HERC1: variants seen among roughly 807,000 people sequenced by gnomAD.
The protein encoded by HERC1 is HECT and RLD domain containing E3 ubiquitin protein ligase family member 1.
A neutral mutation model predicts 554.3 loss-of-function variants in HERC1; 160 were observed. The ratio of observed to expected loss-of-function variants is 0.29; its 90% CI spans 0.25 to 0.33. The LOEUF (loss-of-function observed/expected upper bound fraction) is 0.33, where lower values mean the gene tolerates loss of function less well. Ranked by LOEUF, HERC1 falls within the 10% of genes least tolerant of loss-of-function variation. The pLI is 1.00. For synonymous variants in HERC1, 2,175 were observed against 2,131.7 expected (o/e 1.02, Z -0.56); for missense variants, 4,919 against 5,918.5 (o/e 0.83, Z 5.54).
At chr15:63,753,585 TA>T (rs569881692) in intron 7 of HERC1, among the ~76,000 whole-genome samples, 2 of 151,682 alleles carry the variant, frequency 1.3e-5, no homozygotes, top group African/African-American at 4.8e-5. Context: ...ACACCAGGAA[TA>T]AAAAAAAGTA....
rs185206779 is a variant in HERC1 at position 63,680,418 on chromosome 15, T to G, written c.6465+119A>C. On this transcript the variant is annotated intron_variant, in intron 35 of 77. Coordinates refer to ENST00000443617, the MANE Select transcript of HERC1 (RefSeq NM_003922.4). The surrounding 1 kb of genome is among the most constrained non-coding windows in gnomAD (Gnocchi z 5.8). Reference sequence around the variant, plus strand: ...TAAATGTTTTAAGAACCAGAAAGTATTAGAGAGAAAGGAGAGACGAGCAGA... The same window carrying G: ...TAAATGTTTTAAGAACCAGAAAGTAGTAGAGAGAAAGGAGAGACGAGCAGA... The G allele has an allele frequency of 2.4e-4, 264 of 1,098,264 alleles. 1 individual carries two copies. The African/African-American group carries it at 3.9e-3, about 16-fold the overall frequency. The allele number at this position is 1,098,264 out of a possible 1,614,324, so 68.0% of individuals were successfully genotyped here.
At chr15:63,778,111 T>TA (rs764874245) in intron 1 of HERC1, among the ~76,000 whole-genome samples, 67 of 152,270 alleles carry the variant, frequency 4.4e-4, no homozygotes, top group Non-Finnish European at 7.9e-4. Flanking sequence ...AACTTGAAGA[T>TA]ACAGAATGCC....
Position 63,630,610 on chromosome 15 carries a change from C to A in HERC1, c.12822G>T (p.Gly4274=), listed in dbSNP as rs1445970288. The change falls in exon 69 of 78, where the codon GGG becomes GGT. Residue 4274 remains glycine (G), a synonymous_variant. Coordinates refer to ENST00000443617, the MANE Select transcript of HERC1 (RefSeq NM_003922.4). The part of the protein sequence containing the change: ...GQDRLIGLPE[G]RARNHNRPQQ... ...GCGGTCGATTGTGATTGCGAGCACG[C>A]CCCTCTGGCAAGCCTATCAGGCGAT... 2 of 1,612,744 alleles carry A rather than the reference C, an allele frequency of 1.2e-6. No individual in the cohort carries two copies. Among genetic ancestry groups the A allele is most frequent in the Non-Finnish European group, 1.7e-6 (2 of 1,179,420 alleles).
intron 1 of HERC1, among the ~76,000 whole-genome samples, chr15:63,824,285 G>A (rs2077807450): frequency 6.6e-6 from 1 of 152,124 alleles, no homozygotes; most frequent in African/African-American, 2.4e-5. Flanking sequence ...TATAATCCCA[G>A]CACTTTGGGA....
Position 63,696,331 on chromosome 15 carries a change from T to C in HERC1, c.4914A>G (p.Leu1638=), listed in dbSNP as rs1351233570. Residue 1638 remains leucine, a synonymous_variant, in exon 27 of 78, where the codon TTA becomes TTG. Coordinates refer to ENST00000443617, the MANE Select transcript of HERC1 (RefSeq NM_003922.4). ...EQQQLRAELR[L]EALHQILVLL... ...GAACGAGGATCTGATGAAGTGCCTC[T>C]AAACGAAGCTTGAGGAAAAAAACAT... 2.5e-6 allele frequency: 4 copies of C among 1,609,396 alleles called. No homozygotes were observed. Among genetic ancestry groups the C allele is most frequent in the Non-Finnish European group, 2.5e-6 (3 of 1,177,514 alleles).
In HERC1 at chr15:63,718,799, C is replaced by T. The variant is rs746946569; in HGVS notation, c.3841G>A (p.Ala1281Thr). The T allele has an allele frequency of 6.2e-7, 1 of 1,613,518 alleles. No homozygotes were observed. Among genetic ancestry groups the T allele is most frequent in the South Asian group, 1.1e-5 (1 of 91,036 alleles). ...LLKHTNLLSQ[A>T]CGESRYQPGK... ...GTTACTTGCCGGCTTTCTCCACATG[C>T]TTGACTAAGTAAATTTGTGTGTTTC... The change falls in exon 20 of 78, where the codon GCA becomes ACA. Residue 1281 changes from alanine to threonine, a missense_variant. This residue lies in a region of HERC1 where 1,121 missense variants were observed against 1,244.0 expected (regional missense o/e 0.90). Transcript: ENST00000443617. This position sits in a 1 kb window ranked among gnomAD's most constrained non-coding sequence, Gnocchi z 4.2.
intron 1 of HERC1, among the ~76,000 whole-genome samples, chr15:63,830,132 G>T (rs1477633936): frequency 6.6e-6 from 1 of 152,158 alleles, no homozygotes. Flanking sequence ...AGGAGAAACT[G>T]TACATCCACA....
intron 1 of HERC1, among the ~76,000 whole-genome samples, chr15:63,810,440 T>C (rs567898559): frequency 5.3e-5 from 8 of 152,076 alleles, no homozygotes; most frequent in East Asian, 1.9e-4. Context: ...AAAGAGGGGC[T>C]ATATATATGA....
In HERC1 at chr15:63,714,746, A is replaced by G. The variant is rs1276171355; in HGVS notation, c.4151-1081T>C. Among the ~76,000 whole-genome samples, 3 of 151,438 alleles carry G rather than the reference A, an allele frequency of 2.0e-5. No individual in the cohort carries two copies. In the South Asian group the frequency reaches 6.3e-4, roughly 32 times the overall value. The stretch of plus-strand genomic sequence containing the variant: ...GTATCTTTAGTAGAGATGGGGTTTC[A>G]CCATGTTGGCCAGTCTGGTCTCGAA... On this transcript the variant is annotated intron_variant, in intron 22 of 77. Transcript: ENST00000443617.
rs78276338 is a variant in HERC1, at chr15:63,633,719, G to A, written c.12693+129C>T. The A allele has an allele frequency of 2.9e-4, 266 of 927,272 alleles. 1 individual carries two copies. In the African/African-American group the frequency reaches 4.2e-3, roughly 15 times the overall value. 57.4% of individuals were successfully genotyped at this position (927,272 alleles called of 1,614,324 possible). A position where few individuals can be genotyped will look rare whatever the true frequency, so the allele number is the denominator to read the frequency against. ...TGTGGGCATTCAAGAATGCACAACAGAAGCTTCTAAACTTCATTATGAACT... is the reference window on the plus strand; with the variant it reads ...TGTGGGCATTCAAGAATGCACAACAAAAGCTTCTAAACTTCATTATGAACT... On this transcript the variant is annotated intron_variant, in intron 67 of 77. Transcript: ENST00000443617.
intron 22 of HERC1, among the ~76,000 whole-genome samples, chr15:63,715,025 C>G (rs934206791): frequency 6.6e-6 from 1 of 152,114 alleles, no homozygotes; most frequent in Non-Finnish European, 1.5e-5. Flanking sequence ...GCAATAAACC[C>G]TCTCAGAGTC....
At chr15:63,614,355 G>A (rs925220643) in intron 76 of HERC1, among the ~76,000 whole-genome samples, 2 of 152,180 alleles carry the variant, frequency 1.3e-5, no homozygotes, top group Non-Finnish European at 2.9e-5. Flanking sequence ...TGGGAAAAAT[G>A]GCACCCAAGA....
At chr15:63,760,130 T>C (rs1323003707) in intron 3 of HERC1, among the ~76,000 whole-genome samples, 1 of 150,832 alleles carries the variant, frequency 6.6e-6, no homozygotes, top group East Asian at 1.9e-4. Context: ...TTGAACTGGA[T>C]AGGGACAACA....
intron 1 of HERC1, among the ~76,000 whole-genome samples, chr15:63,776,105 C>T (rs1159349017): frequency 6.6e-6 from 1 of 151,794 alleles, no homozygotes; most frequent in East Asian, 1.9e-4. Context: ...CCATTCAGTT[C>T]TGATTCCATT....
At position 63,700,708 on chromosome 15, in the gene HERC1, CAAAAAA is replaced by C. The variant is rs11314964; in HGVS notation, c.4637-1718_4637-1713del. Among the ~76,000 whole-genome samples, 129 of 64,590 alleles carry C rather than the reference CAAAAAA, an allele frequency of 2.0e-3. 2 individuals are homozygous for C. Among genetic ancestry groups the C allele is most frequent in the African/African-American group, 5.2e-3 (108 of 20,600 alleles). The allele number at this position is 64,590 out of a possible 152,430, so 42.4% of individuals were successfully genotyped here. On this transcript the variant is annotated intron_variant, in intron 25 of 77. Transcript: ENST00000443617. ...TGGGTGACAGGGCGAGACCCTGCCT[CAAAAAA>C]AAAAAAAAAAAAAAAAGCTTAATTT...
chr15:63,690,404 G>A (rs1283418405), intron 32 of HERC1, 137 bp downstream of exon 32: 1 of 572,502 alleles, frequency 1.7e-6, no homozygotes, highest in African/African-American at 1.9e-5. Context: ...AAATAATAAA[G>A]AAAGCAGTCC....
chr15:63,830,081 G>A (rs2078104523), intron 1 of HERC1, among the ~76,000 whole-genome samples: 1 of 152,138 alleles, frequency 6.6e-6, no homozygotes. Flanking sequence ...TTGCAGACAA[G>A]ATCTACCAAT....
chr15:63,784,815 T>G (rs1052953968), intron 1 of HERC1, among the ~76,000 whole-genome samples: 7 of 152,206 alleles, frequency 4.6e-5, no homozygotes, highest in African/African-American at 1.7e-4. Context: ...TTCACTGTGT[T>G]GGCCAGGATG....
At chr15:63,751,831 TTTA>T (rs200277711) in intron 8 of HERC1, among the ~76,000 whole-genome samples, 1 of 152,034 alleles carries the variant, frequency 6.6e-6, no homozygotes, top group Non-Finnish European at 1.5e-5. Context: ...ATGTAATGGA[TTTA>T]TTATTATTAT....
Sources: gnomAD v4.1 joint callset for allele counts (sites outside exome capture counted in the v4.1 genomes callset) on GRCh38, gnomAD v4.1.1 for gene constraint, gnomAD v4.1.1 regional missense constraint, Gnocchi (gnomAD v3.1) non-coding constraint, MANE v1.5 for transcripts, NCBI Gene and HGNC (gene_info 2026-07-23, HGNC 2026-07-21) for gene names.